EML1: variants seen among roughly 807,000 people sequenced by gnomAD.
EML1 encodes EMAP like 1.
In EML1, 27 loss-of-function variants were observed where a neutral mutation model predicts 110.4. The ratio of observed to expected loss-of-function variants is 0.24; its 90% CI spans 0.18 to 0.34. EML1 has a LOEUF of 0.34. EML1 is among the 10% of genes least tolerant of loss of function. EML1 has a pLI of 1.00. For synonymous variants in EML1, 344 were observed against 385.8 expected (o/e 0.89, Z 1.27); for missense variants, 741 against 1,030.9 (o/e 0.72, Z 3.85).
upstream of EML1, among the ~76,000 whole-genome samples, chr14:99,770,522 TCCA>T (rs1566857362): frequency 6.6e-6 from 1 of 152,098 alleles, no homozygotes; most frequent in Non-Finnish European, 1.5e-5. Flanking sequence ...ACCTCGAAAT[TCCA>T]CCATTTCATT....
At position 99,894,732 on chromosome 14, in the gene EML1, A is replaced by G; in HGVS notation, c.651A>G (p.Pro217=). The part of the protein sequence containing the change: ...SYSLEAKVEL[P]TKRLKLEWVY... ...GCTTGGAAGCAAAAGTAGAACTTCCAACCAAGAGACTCAAGCTGGAATGGG... is the reference window on the plus strand; with the variant it reads ...GCTTGGAAGCAAAAGTAGAACTTCCGACCAAGAGACTCAAGCTGGAATGGG... Residue 217 remains proline (P), a synonymous_variant, in exon 6 of 22, where the codon CCA becomes CCG. Transcript: ENST00000262233. 2 of 1,613,294 alleles carry G rather than the reference A, an allele frequency of 1.2e-6. No homozygotes were observed. The highest frequency in any genetic ancestry group is 1.7e-6 in the Non-Finnish European group (2 of 1,179,606).
intron 1 of EML1, among the ~76,000 whole-genome samples, chr14:99,844,308 G>A (rs1452989446): frequency 6.6e-6 from 1 of 151,982 alleles, no homozygotes; most frequent in African/African-American, 2.4e-5. Context: ...GCGAAACCCC[G>A]TCTCTACTGA....
intron 13 of EML1, among the ~76,000 whole-genome samples, chr14:99,913,003 C>T (rs560677333): frequency 6.6e-6 from 1 of 152,292 alleles, no homozygotes; most frequent in South Asian, 2.1e-4. Context: ...TTTTATAGTA[C>T]AAGAACTTTG....
intron 2 of EML1, among the ~76,000 whole-genome samples, chr14:99,851,602 C>T (rs1400740520): frequency 1.3e-5 from 2 of 152,190 alleles, no homozygotes; most frequent in East Asian, 3.8e-4. Context: ...CCACTGCGCC[C>T]GGCCGAGAAC....
At chr14:99,804,166 G>A (rs755231951) in intron 1 of EML1, among the ~76,000 whole-genome samples, 39 of 152,118 alleles carry the variant, frequency 2.6e-4, no homozygotes, top group Admixed American at 6.6e-5. Context: ...CTTTTATTGA[G>A]TTGATATAAT....
At chr14:99,787,756 G>T (rs953869963) in intron 1 of EML1, among the ~76,000 whole-genome samples, 8 of 152,102 alleles carry the variant, frequency 5.3e-5, no homozygotes, top group African/African-American at 1.5e-4. Flanking sequence ...TTGGCTTGCA[G>T]GTGGCCATCT....
chr14:99,761,951 G>A lies in EML1; in HGVS notation c.28+24091G>A, dbSNP rs186487922. 2.4e-3 allele frequency among the ~76,000 whole-genome samples: 364 copies of A among 150,706 alleles called. 4 individuals are homozygous for A. The highest frequency in any genetic ancestry group is 8.5e-3 in the African/African-American group (350 of 41,144). ...AAAAAAAAAAAAAAAATCGAGAACT[G>A]GGGGCAAAATGACATGAAATTTGAA... On this transcript the variant is annotated intron_variant, in intron 1 of 10. Transcript: ENST00000554479.
In EML1 at chr14:99,939,421, G is replaced by A. The variant is rs1394312372; in HGVS notation, c.2322+94G>A. The A allele has an allele frequency of 5.2e-6, 8 of 1,538,766 alleles. No homozygotes were observed. The highest frequency in any genetic ancestry group is 1.4e-5 in the African/African-American group (1 of 72,952). ...GACTAAGTGGAAATGGGCTGTGAGC[G>A]ACTGCTGCCAGCCACAAAGGCAGAT... On this transcript the variant is annotated intron_variant, in intron 21 of 21. Transcript: ENST00000262233. This position sits in a 1 kb window ranked among gnomAD's most constrained non-coding sequence, Gnocchi z 4.2.
rs147398986 is a variant in EML1 at position 99,823,051 on chromosome 14, C to T, written c.68-27802C>T. The stretch of plus-strand genomic sequence containing the variant: ...CAGCAAGCCTAAGCGCCGGGCCCTA[C>T]AGAGCCATCTCCTCCGGGAAGAAGA... On this transcript the variant is annotated intron_variant, in intron 1 of 21. Coordinates refer to ENST00000262233, the MANE Select transcript of EML1 (RefSeq NM_004434.3). Among the ~76,000 whole-genome samples the T allele has an allele frequency of 3.9e-3, 601 of 152,272 alleles. 4 individuals carry two copies. The highest frequency in any genetic ancestry group is 0.014 in the African/African-American group (572 of 41,544).
intron 1 of EML1, among the ~76,000 whole-genome samples, chr14:99,815,931 G>C (rs989671484): frequency 6.6e-6 from 1 of 152,184 alleles, no homozygotes; most frequent in African/African-American, 2.4e-5. Flanking sequence ...TCTGACAGGG[G>C]TAAGAATGTG....
rs1288225070 is a variant in EML1, at chr14:99,874,841, AT to A, written c.384-3641del. ...TCGATTTTGATGTGTGCGTCCTGCA[AT>A]TTACTGAAGCTTATCAAAATACTTT... On this transcript the variant is annotated intron_variant, in intron 3 of 21. Transcript: ENST00000262233. 9.4e-6 allele frequency: 12 copies of A among 1,275,752 alleles called. No individual in the cohort carries two copies. In the African/African-American group the frequency reaches 1.6e-4, roughly 17 times the overall value. The allele number at this position is 1,275,752 out of a possible 1,614,324, so 79.0% of individuals were successfully genotyped here.
chr14:99,805,234 T>C (rs1033274350), intron 1 of EML1, among the ~76,000 whole-genome samples: 2 of 152,218 alleles, frequency 1.3e-5, no homozygotes, highest in African/African-American at 4.8e-5. Context: ...TTCTGGCTCA[T>C]GTGACTCAGT....
At chr14:99,752,742 C>G (rs929629930) in intron 1 of EML1, among the ~76,000 whole-genome samples, 7 of 152,142 alleles carry the variant, frequency 4.6e-5, no homozygotes, top group African/African-American at 7.2e-5. Flanking sequence ...TTCCCAGCCC[C>G]CTTTAAGGAA....
Position 99,849,539 on chromosome 14 carries a change from T to A in EML1, c.68-1314T>A, listed in dbSNP as rs563827822. On this transcript the variant is annotated intron_variant, in intron 1 of 21. Transcript: ENST00000262233. ...TGTGTGTGTGTGTGTGTATATATAT[T>A]TATTTATTTATTTATTTGTTTATTT... 5.4e-3 allele frequency among the ~76,000 whole-genome samples: 779 copies of A among 144,868 alleles called. 6 individuals carry two copies. The highest frequency in any genetic ancestry group is 0.014 in the African/African-American group (543 of 39,136).
Position 99,939,410 on chromosome 14 carries a change from G to GGGCT in EML1, c.2322+85_2322+88dup. ...ACCTGTTTGGAGACTAAGTGGAAAT[G>GGGCT]GGCTGTGAGCGACTGCTGCCAGCCA... is the stretch of plus-strand genomic sequence containing the variant. On this transcript the variant is annotated intron_variant, in intron 21 of 21. Transcript: ENST00000262233. This position sits in a 1 kb window ranked among gnomAD's most constrained non-coding sequence, Gnocchi z 4.2. 1 of 1,572,356 alleles carries GGGCT rather than the reference G, an allele frequency of 6.4e-7. No individual in the cohort carries two copies. Among genetic ancestry groups the GGGCT allele is most frequent in the Non-Finnish European group, 8.6e-7 (1 of 1,156,684 alleles).
In EML1 at chr14:99,756,766, C is replaced by A. The variant is rs2057260312; in HGVS notation, c.28+18906C>A. Among the ~76,000 whole-genome samples the A allele has an allele frequency of 9.2e-5, 14 of 152,102 alleles. 1 individual carries two copies. Among genetic ancestry groups the A allele is most frequent in the Admixed American group, 8.5e-4 (13 of 15,268 alleles). ...GGGGCTCTGGTGTGATTCCCGTGCC[C>A]CCAGCGTTTGAAGTTCAGTGTGTCA... On this transcript the variant is annotated intron_variant, in intron 1 of 10. Coordinates refer to the EML1 transcript ENST00000554479.
intron 17 of EML1, among the ~76,000 whole-genome samples, chr14:99,921,473 T>G (rs1324865647): frequency 6.6e-6 from 1 of 152,208 alleles, no homozygotes; most frequent in Non-Finnish European, 1.5e-5. Context: ...CACATAATTA[T>G]GGCATTTAGG....
At chr14:99,866,340 G>A (rs980512249) in intron 3 of EML1, among the ~76,000 whole-genome samples, 8 of 152,250 alleles carry the variant, frequency 5.3e-5, no homozygotes, top group African/African-American at 1.9e-4. Flanking sequence ...GGAGGCCAAG[G>A]CGGGCAGATC....
chr14:99,927,050 C>T (rs992677641), intron 17 of EML1, among the ~76,000 whole-genome samples: 1 of 152,142 alleles, frequency 6.6e-6, no homozygotes, highest in Admixed American at 6.5e-5. Context: ...ACAGACCTGC[C>T]CTCTTATTTT....
Sources: gnomAD v4.1 joint callset for allele counts (sites outside exome capture counted in the v4.1 genomes callset) on GRCh38, gnomAD v4.1.1 for gene constraint, Gnocchi (gnomAD v3.1) non-coding constraint, MANE v1.5 for transcripts, NCBI Gene and HGNC (gene_info 2026-07-23, HGNC 2026-07-21) for gene names.